THSD7A: variants seen among roughly 807,000 people sequenced by gnomAD.
The protein encoded by THSD7A is thrombospondin type 1 domain containing 7A, also known as thrombospondin type-1 domain-containing protein 7A.
THSD7A carries 96 observed loss-of-function variants against 231.3 expected under a neutral mutation model. That is an observed-to-expected ratio of 0.41 (90% CI 0.35 to 0.49). The LOEUF is 0.49. THSD7A is among the 20% of genes least tolerant of loss of function. The pLI is 0.05. For missense variants in THSD7A, 2,290 were observed against 2,070.2 expected (o/e 1.11, Z -2.06); for synonymous variants, 940 against 743.3 (o/e 1.26, Z -4.30).
intron 9 of THSD7A, among the ~76,000 whole-genome samples, chr7:11,466,658 C>A (rs979621354): frequency 2.6e-5 from 4 of 152,022 alleles, no homozygotes; most frequent in Admixed American, 2.0e-4. Flanking sequence ...ACATGAGCTG[C>A]CAAATAAAAC....
At chr7:11,384,020 C>T (rs907244822) in intron 23 of THSD7A, 1 of 151,910 alleles carries the variant, frequency 6.6e-6, no homozygotes, top group African/African-American at 2.4e-5. Flanking sequence ...CAGAGATTTG[C>T]AAAAATCCAA....
At chr7:11,800,936 G>A (rs1427105417) in intron 1 of THSD7A, among the ~76,000 whole-genome samples, 1 of 152,002 alleles carries the variant, frequency 6.6e-6, no homozygotes, top group Non-Finnish European at 1.5e-5. Flanking sequence ...ATTTCTGGAG[G>A]TGCTGAATAT....
chr7:11,769,045 C>A (rs1337646539), intron 1 of THSD7A, among the ~76,000 whole-genome samples: 1 of 143,652 alleles, frequency 7.0e-6, no homozygotes, highest in Non-Finnish European at 1.5e-5. Context: ...GCAACCTCTG[C>A]CTCCTGGATT....
intron 2 of THSD7A, among the ~76,000 whole-genome samples, chr7:11,596,777 C>A (rs1456875813): frequency 1.3e-5 from 2 of 152,218 alleles, no homozygotes; most frequent in Non-Finnish European, 2.9e-5. Flanking sequence ...CAAGTGGCAA[C>A]TCCAATTGCA....
chr7:11,583,210 A>ATTTTTTTTTTTTTTTTTTTTTTTT (rs1361326156), intron 4 of THSD7A, among the ~76,000 whole-genome samples: 15 of 152,048 alleles, frequency 9.9e-5, no homozygotes, highest in African/African-American at 3.4e-4. Flanking sequence ...CTGACTCATT[A>ATTTTTTTTTTTTTTTTTTTTTTTT]TTTTTAATCT....
At chr7:11,548,014 G>T (rs1214201356) in intron 4 of THSD7A, among the ~76,000 whole-genome samples, 5 of 152,064 alleles carry the variant, frequency 3.3e-5, no homozygotes, top group Non-Finnish European at 7.4e-5. Flanking sequence ...CAAAAACAAA[G>T]CTGTGCTTTC....
intron 1 of THSD7A, among the ~76,000 whole-genome samples, chr7:11,784,314 A>G (rs922257261): frequency 6.6e-6 from 1 of 151,396 alleles, no homozygotes; most frequent in African/African-American, 2.4e-5. Flanking sequence ...TTTGGGATGC[A>G]TGTCTTTCAT....
intron 4 of THSD7A, among the ~76,000 whole-genome samples, chr7:11,553,854 T>G (rs1789731977): frequency 6.6e-6 from 1 of 151,914 alleles, no homozygotes; most frequent in African/African-American, 2.4e-5. Context: ...TGGAAAAAAA[T>G]AAAAATAATC....
intron 4 of THSD7A, among the ~76,000 whole-genome samples, chr7:11,569,167 C>G (rs1198058046): frequency 6.6e-6 from 1 of 152,070 alleles, no homozygotes; most frequent in African/African-American, 2.4e-5. Flanking sequence ...GCACAGGTAA[C>G]AGAAACAAAA....
intron 1 of THSD7A, among the ~76,000 whole-genome samples, chr7:11,812,034 C>T (rs920053312): frequency 6.6e-6 from 1 of 151,846 alleles, no homozygotes; most frequent in African/African-American, 2.4e-5. Flanking sequence ...AAAAGAACCA[C>T]TGAGCATAAT....
intron 4 of THSD7A, among the ~76,000 whole-genome samples, chr7:11,574,734 C>T (rs911981619): frequency 2.0e-5 from 3 of 152,030 alleles, no homozygotes; most frequent in African/African-American, 7.2e-5. Flanking sequence ...CCGCGCCCGG[C>T]CAACAAAAAC....
intron 13 of THSD7A, among the ~76,000 whole-genome samples, chr7:11,439,115 T>C (rs1251545024): frequency 6.6e-6 from 1 of 152,028 alleles, no homozygotes; most frequent in Non-Finnish European, 1.5e-5. Context: ...AATATGACTA[T>C]TTTCAAAGGA....
At chr7:11,507,055 A>G (rs545750475) in intron 6 of THSD7A, among the ~76,000 whole-genome samples, 18 of 152,266 alleles carry the variant, frequency 1.2e-4, no homozygotes, top group African/African-American at 4.1e-4. Context: ...TGACACACAG[A>G]ACATTCTTAT....
intron 2 of THSD7A, among the ~76,000 whole-genome samples, chr7:11,596,446 C>G (rs1334750418): frequency 6.6e-6 from 1 of 152,088 alleles, no homozygotes; most frequent in East Asian, 1.9e-4. Context: ...GGTCGTTTCC[C>G]CAGGGCCAGA....
chr7:11,564,620 G>A (rs1318400317), intron 4 of THSD7A, among the ~76,000 whole-genome samples: 1 of 152,040 alleles, frequency 6.6e-6, no homozygotes, highest in Non-Finnish European at 1.5e-5. Context: ...CTCCTCCCAG[G>A]GTCTAGAGTC....
In THSD7A at chr7:11,786,149, T is replaced by C. The variant is rs139515625; in HGVS notation, c.190+45608A>G. On this transcript the variant is annotated intron_variant, in intron 1 of 27. Transcript: ENST00000423059. Reference sequence around the variant, plus strand: ...TTCATCCCAGTCTCTAATAGTTTGGTTAATTCTTTATAGTAACTGCTCTCC... The same window carrying C: ...TTCATCCCAGTCTCTAATAGTTTGGCTAATTCTTTATAGTAACTGCTCTCC... Among the ~76,000 whole-genome samples the C allele has an allele frequency of 4.0e-5, 6 of 148,600 alleles. No individual in the cohort carries two copies. In the East Asian group the frequency reaches 1.2e-3, roughly 29 times the overall value.
At chr7:11,476,634 C>T (rs60188443) in intron 7 of THSD7A, among the ~76,000 whole-genome samples, 19,279 of 151,648 alleles carry the variant, frequency 0.13, 1,719 homozygotes, top group African/African-American at 0.26. Flanking sequence ...CTGGGCAGCA[C>T]GGTGAAACCT....
rs528823585 is a variant in THSD7A at position 11,521,499 on chromosome 7, T to C, written c.1822+19920A>G. 1.4e-5 allele frequency among the ~76,000 whole-genome samples: 2 copies of C among 143,040 alleles called. 1 individual carries two copies. The highest frequency in any genetic ancestry group is 4.0e-4 in the East Asian group (2 of 4,960). The allele number at this position is 143,040 out of a possible 152,430, so 93.8% of individuals were successfully genotyped here. Reference sequence around the variant, plus strand: ...TATTTTATTTATTTATTTATTTATTTTTTTATTATACTCTAAGTTTTAGGG... The same window carrying C: ...TATTTTATTTATTTATTTATTTATTCTTTTATTATACTCTAAGTTTTAGGG... On this transcript the variant is annotated intron_variant, in intron 6 of 27. Transcript: ENST00000423059.
Position 11,615,182 on chromosome 7 carries a change from G to A in THSD7A, c.1022+20948C>T, listed in dbSNP as rs561398131. On this transcript the variant is annotated intron_variant, in intron 2 of 27. Coordinates refer to ENST00000423059, the MANE Select transcript of THSD7A (RefSeq NM_015204.3). Reference sequence around the variant, plus strand: ...AGCTTCATAAGGTGTATGCAACTGCGTGCATCTTGGAAGGGATGTAAACAC... The same window carrying A: ...AGCTTCATAAGGTGTATGCAACTGCATGCATCTTGGAAGGGATGTAAACAC... Among the ~76,000 whole-genome samples, 88 of 152,308 alleles carry A rather than the reference G, an allele frequency of 5.8e-4. 4 individuals are homozygous for A. In the Middle Eastern group the frequency reaches 0.01, roughly 18 times the overall value.
Sources: allele counts gnomAD v4.1 joint callset (sites outside exome capture counted in the v4.1 genomes callset), GRCh38; gene constraint gnomAD v4.1.1; transcripts MANE v1.5; gene names NCBI Gene and HGNC (gene_info 2026-07-23, HGNC 2026-07-21).